CAMTA1: variants seen among roughly 807,000 people sequenced by gnomAD.
CAMTA1 encodes calmodulin-binding transcription activator 1.
Under a neutral mutation model 170.9 loss-of-function variants are expected in CAMTA1, and 27 were observed. That is an observed-to-expected ratio of 0.16 (90% CI 0.12 to 0.22). CAMTA1 has a LOEUF of 0.22. Ranked by LOEUF, CAMTA1 falls within the 10% of genes least tolerant of loss-of-function variation. The pLI is 1.00. For synonymous variants in CAMTA1, 833 were observed against 891.5 expected, an observed-to-expected ratio of 0.93 and a Z score of 1.17; for missense variants, 1,619 against 2,217.2, an observed-to-expected ratio of 0.73 and a Z score of 5.42.
chr1:7,614,229 TCAAAGGCGGC>T (rs2095543898), intron 6 of CAMTA1, among the ~76,000 whole-genome samples: 3 of 151,804 alleles, frequency 2.0e-5, no homozygotes, highest in African/African-American at 7.3e-5. Flanking sequence ...TGAGTTGGGG[TCAAAGGCGGC>T]TGAGAGGGGG....
chr1:7,359,968 G>T (rs2085416773), intron 5 of CAMTA1, among the ~76,000 whole-genome samples: 1 of 152,154 alleles, frequency 6.6e-6, no homozygotes, highest in Admixed American at 6.5e-5. Context: ...GGTTTCTTCT[G>T]AGGCTGGGAG....
At chr1:7,440,712 C>G (rs544240842) in intron 5 of CAMTA1, among the ~76,000 whole-genome samples, 6 of 152,118 alleles carry the variant, frequency 3.9e-5, no homozygotes, top group East Asian at 1.9e-4. Context: ...GCCTGTGGGC[C>G]GAGAAAGACA....
At chr1:7,230,673 G>A (rs1318579156) in intron 4 of CAMTA1, among the ~76,000 whole-genome samples, 3 of 152,162 alleles carry the variant, frequency 2.0e-5, no homozygotes, top group African/African-American at 4.8e-5. Context: ...TCTTCAGCTC[G>A]GGAGCCCATG....
chr1:7,056,657 CAG>C (rs1466740940), intron 3 of CAMTA1, among the ~76,000 whole-genome samples: 1 of 151,318 alleles, frequency 6.6e-6, no homozygotes, highest in African/African-American at 2.4e-5. Flanking sequence ...AGCTCAGAGT[CAG>C]GGGATGGGGA....
At chr1:7,185,517 G>A (rs1465427712) in intron 4 of CAMTA1, among the ~76,000 whole-genome samples, 1 of 152,170 alleles carries the variant, frequency 6.6e-6, no homozygotes, top group East Asian at 1.9e-4. Context: ...GTTTCTTATA[G>A]TAGATTGAAA....
At chr1:7,241,196 C>T (rs930105432) in intron 4 of CAMTA1, among the ~76,000 whole-genome samples, 8 of 152,118 alleles carry the variant, frequency 5.3e-5, no homozygotes, top group Non-Finnish European at 1.2e-4. Context: ...TTCATAATAT[C>T]TTCAAAATAA....
intron 4 of CAMTA1, among the ~76,000 whole-genome samples, chr1:7,121,509 C>T (rs532333786): frequency 7.9e-5 from 12 of 152,286 alleles, no homozygotes; most frequent in East Asian, 1.9e-4. Context: ...AGAACTCTTG[C>T]GGTCATGGGT....
intron 5 of CAMTA1, among the ~76,000 whole-genome samples, chr1:7,384,789 A>G (rs11578672): frequency 0.22 from 33,020 of 151,990 alleles, 4,121 homozygotes; most frequent in East Asian, 0.53. Flanking sequence ...GGCTTTGGAG[A>G]TGAGTTCCTG....
At chr1:7,025,165 G>A (rs922275877) in intron 3 of CAMTA1, among the ~76,000 whole-genome samples, 49 of 152,292 alleles carry the variant, frequency 3.2e-4, no homozygotes, top group South Asian at 2.1e-4. Context: ...AATGAGATGC[G>A]CAAGAGCTGC....
At chr1:6,837,496 A>G (rs528732294) in intron 3 of CAMTA1, among the ~76,000 whole-genome samples, 186 of 152,312 alleles carry the variant, frequency 1.2e-3, no homozygotes, top group African/African-American at 4.4e-3. Context: ...TGAGAAAGTT[A>G]AAAGAATGGG....
At chr1:6,991,677 T>C (rs1213844686) in intron 3 of CAMTA1, among the ~76,000 whole-genome samples, 1 of 152,228 alleles carries the variant, frequency 6.6e-6, no homozygotes, top group African/African-American at 2.4e-5. Flanking sequence ...TATTCATTTT[T>C]ATTTTTATTT....
chr1:7,493,024 TGCAC>T (rs2149711768), intron 6 of CAMTA1, among the ~76,000 whole-genome samples: 1 of 119,090 alleles, frequency 8.4e-6, no homozygotes, highest in African/African-American at 3.3e-5. Flanking sequence ...CAAACACACA[TGCAC>T]GCACACACAA....
At chr1:7,382,806 CTAGA>C (rs1177065343) in intron 5 of CAMTA1, 1 of 150,656 alleles carries the variant, frequency 6.6e-6, no homozygotes, top group African/African-American at 2.5e-5. Context: ...ATTTCTTAGC[CTAGA>C]TAGATACTTG....
rs1053486949 is a variant in CAMTA1 at position 7,065,709 on chromosome 1, G to A, written c.235-25595G>A. 9.2e-5 allele frequency among the ~76,000 whole-genome samples: 14 copies of A among 152,144 alleles called. No homozygotes were observed. The highest frequency in any genetic ancestry group is 3.3e-4 in the Admixed American group (5 of 15,284). Reference sequence around the variant, plus strand: ...GAATCCAGAAAAGGGAGATGGGTCCGTGGATAGGTGGAAGCCCTAGGTCAA... The same window carrying A: ...GAATCCAGAAAAGGGAGATGGGTCCATGGATAGGTGGAAGCCCTAGGTCAA... On this transcript the variant is annotated intron_variant, in intron 3 of 22. Transcript: ENST00000303635. This position sits in a 1 kb window ranked among gnomAD's most constrained non-coding sequence, Gnocchi z 5.2.
chr1:6,870,713 A>G (rs1429203721), intron 3 of CAMTA1, among the ~76,000 whole-genome samples: 1 of 152,188 alleles, frequency 6.6e-6, no homozygotes, highest in Non-Finnish European at 1.5e-5. Flanking sequence ...TTTCCTGGTT[A>G]TGCTCCTGCC....
In CAMTA1 at chr1:7,332,814, C is replaced by T. The variant is rs1574738490; in HGVS notation, c.438+83188C>T. 2.0e-5 allele frequency among the ~76,000 whole-genome samples: 3 copies of T among 152,164 alleles called. No homozygotes were observed. The South Asian group carries it at 6.2e-4, about 32-fold the overall frequency. On this transcript the variant is annotated intron_variant, in intron 5 of 22. Transcript: ENST00000303635. ...TACTTACAGTTTATAGAAATGAGCACACACCCGCAGATACACACACACACA... is the reference window on the plus strand; with the variant it reads ...TACTTACAGTTTATAGAAATGAGCATACACCCGCAGATACACACACACACA...
At chr1:7,256,428 C>T (rs759767637) in intron 5 of CAMTA1, among the ~76,000 whole-genome samples, 88 of 152,174 alleles carry the variant, frequency 5.8e-4, no homozygotes, top group Admixed American at 1.8e-3. Context: ...GGCATGGTGG[C>T]GGGCACCTAT....
intron 3 of CAMTA1, among the ~76,000 whole-genome samples, chr1:7,042,101 C>T (rs1050382509): frequency 1.3e-5 from 2 of 152,070 alleles, no homozygotes; most frequent in African/African-American, 4.8e-5. Flanking sequence ...TCCAGGATAC[C>T]CTGTTCAGCT....
intron 6 of CAMTA1, among the ~76,000 whole-genome samples, chr1:7,493,979 C>T (rs1292393449): frequency 6.6e-6 from 1 of 152,120 alleles, no homozygotes; most frequent in East Asian, 1.9e-4. Context: ...CCTCTCCTGC[C>T]CATCTCGGGA....
Sources: gnomAD v4.1 joint callset for allele counts (sites outside exome capture counted in the v4.1 genomes callset) on GRCh38, gnomAD v4.1.1 for gene constraint, Gnocchi (gnomAD v3.1) non-coding constraint, MANE v1.5 for transcripts, NCBI Gene and HGNC (gene_info 2026-07-23, HGNC 2026-07-21) for gene names.